Variants in ACSL4 observed in about 807,000 individuals in gnomAD.
ACSL4 encodes acyl-CoA synthetase long chain family member 4.
In ACSL4, 9 loss-of-function variants were observed where a neutral mutation model predicts 49.1. The observed-to-expected ratio is 0.18, with a 90% confidence interval of 0.11 to 0.32. The LOEUF (loss-of-function observed/expected upper bound fraction) is 0.32, where lower values mean the gene tolerates loss of function less well. Among genes scored for constraint, ACSL4 ranks in the 10% least tolerant of loss-of-function variants. The pLI is 1.00. For missense variants in ACSL4, 333 were observed against 493.7 expected (o/e 0.67, Z 3.08); for synonymous variants, 191 against 170.3 (o/e 1.12, Z -0.95).
intron 8 of ACSL4, among the ~76,000 whole-genome samples, chrX:109,677,686 C>A (rs1180392492): frequency 9.1e-6 from 1 of 109,880 alleles, no homozygotes; most frequent in African/African-American, 3.3e-5. Flanking sequence ...GAGGCTGAGG[C>A]AGGAGAATCG....
Position 109,650,570 on chromosome X carries a change from C to G in ACSL4, c.1856-6384G>C, listed in dbSNP as rs781654281. ...GGAGGGATAGCATTGGGAGATATAC[C>G]TAATGCTAGATGACAAGTTAGTGGG... On this transcript the variant is annotated intron_variant, in intron 15 of 15. Coordinates refer to ENST00000672401, the MANE Select transcript of ACSL4 (RefSeq NM_001318510.2). Among the ~76,000 whole-genome samples, 513 of 108,541 alleles carry G rather than the reference C, an allele frequency of 4.7e-3. 3 individuals are homozygous for G. The highest frequency in any genetic ancestry group is 0.015 in the African/African-American group (458 of 29,774). 94.3% of individuals were successfully genotyped at this position (108,541 alleles called of 115,157 possible). A position where few individuals can be genotyped will look rare whatever the true frequency, so the allele number is the denominator to read the frequency against.
rs1934458407 is a variant in ACSL4, at chrX:109,641,996, G to T, written c.*2033C>A. On this transcript the variant is annotated 3_prime_UTR_variant, in exon 16 of 16. Transcript: ENST00000672401. Reference sequence around the variant, plus strand: ...GTATATTTTTAGATGGAAAATCAAGGGGTAGTGGCATCTCCCTGGTCCCTT... The same window carrying T: ...GTATATTTTTAGATGGAAAATCAAGTGGTAGTGGCATCTCCCTGGTCCCTT... 8.9e-6 allele frequency: 1 copy of T among 111,748 alleles called. No individual in the cohort carries two copies. The highest frequency in any genetic ancestry group is 3.3e-5 in the African/African-American group (1 of 30,696). 9.2% of individuals were successfully genotyped at this position (111,748 alleles called of 1,213,427 possible). A position where few individuals can be genotyped will look rare whatever the true frequency, so the allele number is the denominator to read the frequency against.
At chrX:109,689,579 T>C (rs989555756) in intron 2 of ACSL4, among the ~76,000 whole-genome samples, 3 of 112,319 alleles carry the variant, frequency 2.7e-5, no homozygotes, top group African/African-American at 9.7e-5. Flanking sequence ...TCCTGCCCCA[T>C]GGCCTTTGTA....
chrX:109,701,379 G>A (rs765005590), intron 1 of ACSL4, among the ~76,000 whole-genome samples: 115 of 107,744 alleles, frequency 1.1e-3, no homozygotes, highest in African/African-American at 3.6e-3. Context: ...ACAGCACGCC[G>A]CTAATTTTTG....
At chrX:109,667,384 T>C (rs375367657) in intron 11 of ACSL4, among the ~76,000 whole-genome samples, 2 of 112,385 alleles carry the variant, frequency 1.8e-5, no homozygotes, top group African/African-American at 6.5e-5. Flanking sequence ...GATTCAAAAT[T>C]TGAACAGTGT....
chrX:109,686,226 T>C (rs1360480951), intron 2 of ACSL4, among the ~76,000 whole-genome samples: 1 of 111,960 alleles, frequency 8.9e-6, no homozygotes, highest in African/African-American at 3.2e-5. Flanking sequence ...ATGATTATAC[T>C]ACCATCACTT....
Position 109,683,168 on chromosome X carries a change from C to T in ACSL4, c.196G>A (p.Glu66Lys), listed in dbSNP as rs776423399. ...GTREILSEEN[E>K]MQPNGKVFKK... ...AAAACTTTTCCATTTGGCTGCATTT[C>T]ATTTTCTTCACTTAGGATTTCCCTG... Residue 66 changes from glutamate (E) to lysine (K), a missense_variant, in exon 3 of 16, where the codon GAA (glutamate) becomes AAA (lysine). By Grantham distance (56) the Glu-to-Lys change is moderately conservative. Transcript: ENST00000672401. The T allele has an allele frequency of 8.3e-7, 1 of 1,211,439 alleles. No individual in the cohort carries two copies. The highest frequency in any genetic ancestry group is 1.1e-6 in the Non-Finnish European group (1 of 895,320).
At chrX:109,712,561 AT>A (rs1254472765) in intron 1 of ACSL4, among the ~76,000 whole-genome samples, 5 of 112,417 alleles carry the variant, frequency 4.4e-5, no homozygotes, top group African/African-American at 1.6e-4. Flanking sequence ...TCACAGCAAA[AT>A]TATATGGCTA....
At chrX:109,687,536 T>C (rs1402863890) in intron 2 of ACSL4, among the ~76,000 whole-genome samples, 1 of 110,837 alleles carries the variant, frequency 9.0e-6, no homozygotes, top group Non-Finnish European at 1.9e-5. Flanking sequence ...TGAGAAAACA[T>C]GGACACAGGG....
At chrX:109,695,069 T>TG (rs1257637576) in intron 2 of ACSL4, among the ~76,000 whole-genome samples, 5 of 111,489 alleles carry the variant, frequency 4.5e-5, no homozygotes, top group Admixed American at 3.8e-4. Context: ...AGCTTCAGGC[T>TG]GGTATGGTGG....
rs1399615898 is a variant in ACSL4, at chrX:109,654,546, CAA to C, written c.1855+4806_1855+4807del. On this transcript the variant is annotated intron_variant, in intron 15 of 15. Transcript: ENST00000672401. ...ATTAACCACAAGGCAAAAAGTGAAA[CAA>C]GAGAAAATGGGCACTGAATGAGAAA... is the stretch of plus-strand genomic sequence containing the variant. Among the ~76,000 whole-genome samples, 4 of 111,679 alleles carry C rather than the reference CAA, an allele frequency of 3.6e-5. 1 individual carries two copies. The highest frequency in any genetic ancestry group is 8.4e-3 in the Middle Eastern group (2 of 239).
At chrX:109,703,692 G>A (rs1281623576) in intron 1 of ACSL4, among the ~76,000 whole-genome samples, 1 of 111,871 alleles carries the variant, frequency 8.9e-6, no homozygotes, top group African/African-American at 3.3e-5. Flanking sequence ...AGCACTTTGG[G>A]AGGTCGAGGT....
At chrX:109,654,949 A>G (rs1424983382) in intron 15 of ACSL4, among the ~76,000 whole-genome samples, 2 of 111,547 alleles carry the variant, frequency 1.8e-5, no homozygotes, top group African/African-American at 6.5e-5. Context: ...TGAGGGTGAG[A>G]CCCACTGCTC....
chrX:109,713,408 T>C (rs1261062871), intron 1 of ACSL4, among the ~76,000 whole-genome samples: 2 of 112,079 alleles, frequency 1.8e-5, no homozygotes, highest in Non-Finnish European at 1.9e-5. Flanking sequence ...TTGTCAACAT[T>C]GTTGCTTAGT....
At chrX:109,730,946 G>A (rs1253330910) in intron 1 of ACSL4, among the ~76,000 whole-genome samples, 1 of 111,816 alleles carries the variant, frequency 8.9e-6, no homozygotes, top group Non-Finnish European at 1.9e-5. Flanking sequence ...GATTACAGGC[G>A]TGAGCCACCA....
chrX:109,669,055 T>C lies in ACSL4; in HGVS notation c.1121A>G (p.Tyr374Cys). 1 of 1,204,026 alleles carries C rather than the reference T, an allele frequency of 8.3e-7. No individual in the cohort carries two copies. The highest frequency in any genetic ancestry group is 1.1e-6 in the Non-Finnish European group (1 of 889,337). ...TTACAGATTGCAAAGAGGTGCATCA[T>C]ATCCCTTTTTGATCTGTTCCAATTT... is the stretch of plus-strand genomic sequence containing the variant. ...DYKLEQIKKG[Y>C]DAPLCNLLLF... The change falls in exon 10 of 16, where the codon TAT becomes TGT. Residue 374 changes from tyrosine (Y) to cysteine (C), a missense_variant. This residue lies in a region of ACSL4 where 175 missense variants were observed against 275.8 expected (regional missense o/e 0.63). Transcript: ENST00000672401.
chrX:109,725,741 AAAAATAAAAT>A (rs774145372), intron 1 of ACSL4, among the ~76,000 whole-genome samples: 2 of 111,467 alleles, frequency 1.8e-5, no homozygotes, highest in Non-Finnish European at 3.8e-5. Context: ...CTCCATCTCA[AAAAATAAAAT>A]AAAATAAAAT....
At chrX:109,667,245 C>A (rs1478401459) in intron 11 of ACSL4, among the ~76,000 whole-genome samples, 1 of 112,408 alleles carries the variant, frequency 8.9e-6, no homozygotes, top group Non-Finnish European at 1.9e-5. Context: ...ATTTTGCCCC[C>A]CAGGGGATAT....
intron 8 of ACSL4, among the ~76,000 whole-genome samples, chrX:109,676,357 G>A (rs1177677677): frequency 9.0e-6 from 1 of 110,912 alleles, no homozygotes; most frequent in Non-Finnish European, 1.9e-5. Context: ...TCCCTAAAAT[G>A]GTATTTCTAC....
Sources: gnomAD v4.1 joint callset for allele counts (sites outside exome capture counted in the v4.1 genomes callset) on GRCh38, gnomAD v4.1.1 for gene constraint, gnomAD v4.1.1 regional missense constraint, MANE v1.5 for transcripts, NCBI Gene and HGNC (gene_info 2026-07-23, HGNC 2026-07-21) for gene names.